Variants in RNF128 observed in about 807,000 individuals in gnomAD.
The protein encoded by RNF128 is E3 ubiquitin-protein ligase RNF128.
In RNF128, 13 loss-of-function variants were observed where a neutral mutation model predicts 26.2. The observed-to-expected ratio is 0.50, with a 90% CI of 0.32 to 0.79. The LOEUF (loss-of-function observed/expected upper bound fraction) is 0.79. RNF128 is among the 30% of genes least tolerant of loss of function. The probability of loss-of-function intolerance (pLI) is 0.03; values close to 1 mark genes in which losing one functional copy is unlikely to be tolerated. For synonymous variants in RNF128, 149 were observed against 142.5 expected (o/e 1.05, Z -0.32); for missense variants, 315 against 349.7 (o/e 0.90, Z 0.79).
intron 1 of RNF128, among the ~76,000 whole-genome samples, chrX:106,747,979 T>C (rs1245051578): frequency 8.9e-6 from 1 of 112,072 alleles, no homozygotes; most frequent in Non-Finnish European, 1.9e-5. Flanking sequence ...TGTGTAGATA[T>C]TCAGTAAAAC....
At chrX:106,764,576 A>G (rs1478346296) in intron 1 of RNF128, among the ~76,000 whole-genome samples, 1 of 110,089 alleles carries the variant, frequency 9.1e-6, no homozygotes, top group Admixed American at 9.7e-5. Flanking sequence ...CTGAAGCAGG[A>G]GAATCACTTG....
rs766907592 is a variant in RNF128 at position 106,773,123 on chromosome X, G to A, written c.695G>A (p.Arg232Gln). 2.1e-5 allele frequency: 25 copies of A among 1,209,307 alleles called. No homozygotes were observed. The highest frequency in any genetic ancestry group is 1.2e-4 in the East Asian group (4 of 33,765). ...GGCTATTTTATCTTTTATTCTGCTC[G>A]AAGGCTACGGAATGCAAGAGCTCAA... ...TVGYFIFYSA[R>Q]RLRNARAQSR... Residue 232 changes from arginine (R) to glutamine (Q), a missense_variant, in exon 2 of 7, where the codon CGA becomes CAA. By Grantham distance (43) the Arg-to-Gln change is conservative. Transcript: ENST00000255499.
At chrX:106,787,845 T>C in intron 3 of RNF128, 73 bp from the exon 4 acceptor site, 1 of 694,109 alleles carries the variant, frequency 1.4e-6, no homozygotes, top group Non-Finnish European at 2.2e-6. Flanking sequence ...AGTACATGTA[T>C]GTTCTGATCT....
chrX:106,741,281 C>G (rs1487063232), intron 1 of RNF128, among the ~76,000 whole-genome samples: 1 of 111,642 alleles, frequency 9.0e-6, no homozygotes, highest in Admixed American at 9.6e-5. Context: ...CAATGCTTCT[C>G]TTTTATGCCC....
At chrX:106,710,219 A>G (rs1343185640) in intron 1 of RNF128, among the ~76,000 whole-genome samples, 2 of 111,807 alleles carry the variant, frequency 1.8e-5, no homozygotes, top group Non-Finnish European at 3.8e-5. Context: ...TGTCTTTGAT[A>G]TACCACTAGA....
intron 1 of RNF128, among the ~76,000 whole-genome samples, chrX:106,761,982 T>C (rs1156325619): frequency 9.1e-6 from 1 of 110,110 alleles, no homozygotes; most frequent in African/African-American, 3.3e-5. Context: ...AATTTATAAT[T>C]GACACATAAT....
In RNF128 at chrX:106,796,662, A is replaced by G. The variant is rs1006551268; in HGVS notation, c.*949A>G. On this transcript the variant is annotated 3_prime_UTR_variant, in exon 7 of 7. Coordinates refer to ENST00000255499, the MANE Select transcript of RNF128 (RefSeq NM_194463.2). ...GATAAACTAAAATTCTGTCCGTGTA[A>G]CTATAAATTTTGTGAATGCATTTTC... 4 of 112,036 alleles carry G rather than the reference A, an allele frequency of 3.6e-5. No homozygotes were observed. Among genetic ancestry groups the G allele is most frequent in the African/African-American group, 1.3e-4 (4 of 30,802 alleles). The allele number at this position is 112,036 out of a possible 1,213,427, so 9.2% of individuals were successfully genotyped here.
intron 1 of RNF128, among the ~76,000 whole-genome samples, chrX:106,751,638 A>G (rs1168261270): frequency 1.8e-5 from 2 of 110,215 alleles, no homozygotes; most frequent in African/African-American, 6.6e-5. Context: ...GGAGGAGAGG[A>G]AAGATTAAAG....
chrX:106,720,102 C>T (rs1023901565), intron 1 of RNF128, among the ~76,000 whole-genome samples: 8 of 110,354 alleles, frequency 7.2e-5, no homozygotes, highest in Non-Finnish European at 1.3e-4. Context: ...AAGATGTTTC[C>T]GAGGTAGGTT....
intron 2 of RNF128, among the ~76,000 whole-genome samples, chrX:106,778,596 A>AT (rs1156287792): frequency 8.9e-6 from 1 of 111,930 alleles, no homozygotes; most frequent in Non-Finnish European, 1.9e-5. Context: ...GATTGATGAT[A>AT]TCCTAGTTTC....
chrX:106,778,947 C>G (rs1383259003), intron 2 of RNF128, among the ~76,000 whole-genome samples: 1 of 112,121 alleles, frequency 8.9e-6, no homozygotes, highest in East Asian at 2.8e-4. Flanking sequence ...CACTGTACCA[C>G]TATTAACATA....
intron 1 of RNF128, among the ~76,000 whole-genome samples, chrX:106,764,116 C>A (rs1036588458): frequency 4.6e-5 from 5 of 109,498 alleles, no homozygotes; most frequent in Non-Finnish European, 9.5e-5. Flanking sequence ...GTGCCCGCCA[C>A]CACGCCCGAC....
chrX:106,737,597 T>A (rs1232104177), intron 1 of RNF128, among the ~76,000 whole-genome samples: 1 of 111,786 alleles, frequency 8.9e-6, no homozygotes, highest in Non-Finnish European at 1.9e-5. Flanking sequence ...GGCACTTTTT[T>A]TCCCAAACAT....
At chrX:106,715,519 G>A (rs1929198994) in intron 1 of RNF128, among the ~76,000 whole-genome samples, 2 of 111,837 alleles carry the variant, frequency 1.8e-5, no homozygotes, top group Non-Finnish European at 3.8e-5. Context: ...TAAGACAGAT[G>A]CCCTAACATT....
chrX:106,769,222 T>C (rs978119319), intron 1 of RNF128, among the ~76,000 whole-genome samples: 1 of 112,028 alleles, frequency 8.9e-6, no homozygotes, highest in Non-Finnish European at 1.9e-5. Flanking sequence ...TGTAGATGTC[T>C]ATTAGGTCTG....
At position 106,710,630 on chromosome X, in the gene RNF128, G is replaced by A. The variant is rs897895327; in HGVS notation, c.406+16222G>A. ...AAATTAGCAGGGCATGGTGGCAGGC[G>A]CCTGTAATCCCGTCTACTGGGGAGG... On this transcript the variant is annotated intron_variant, in intron 1 of 6. Transcript: ENST00000324342. Among the ~76,000 whole-genome samples, 11 of 108,127 alleles carry A rather than the reference G, an allele frequency of 1.0e-4. No individual in the cohort carries two copies. The South Asian group carries it at 1.2e-3, about 12-fold the overall frequency. The allele number at this position is 108,127 out of a possible 115,157, so 93.9% of individuals were successfully genotyped here. A position where few individuals can be genotyped will look rare whatever the true frequency, so the allele number is the denominator to read the frequency against.
chrX:106,703,383 G>C (rs1395287102), intron 1 of RNF128, among the ~76,000 whole-genome samples: 2 of 111,692 alleles, frequency 1.8e-5, no homozygotes, highest in Non-Finnish European at 3.8e-5. Context: ...ACTGCTATGA[G>C]GTACATAGTG....
chrX:106,705,360 C>A (rs1377701984), intron 1 of RNF128, among the ~76,000 whole-genome samples: 2 of 112,039 alleles, frequency 1.8e-5, no homozygotes, highest in Non-Finnish European at 3.8e-5. Flanking sequence ...ATGCTAATTA[C>A]CTATCTGCAT....
chrX:106,766,179 T>C (rs1402399132), intron 1 of RNF128, among the ~76,000 whole-genome samples: 1 of 112,016 alleles, frequency 8.9e-6, no homozygotes, highest in Non-Finnish European at 1.9e-5. Context: ...TAAACATACG[T>C]GTGCATGTGT....
Sources: allele counts gnomAD v4.1 joint callset (sites outside exome capture counted in the v4.1 genomes callset), GRCh38; gene constraint gnomAD v4.1.1; transcripts MANE v1.5; gene names NCBI Gene and HGNC (gene_info 2026-07-23, HGNC 2026-07-21).